The following ADCY2 variants were observed in gnomAD, a reference collection of about 807,000 sequenced individuals.
ADCY2 encodes the protein adenylate cyclase type 2.
ADCY2 carries 31 observed loss-of-function variants against 125.2 expected under a neutral mutation model. That is an observed-to-expected ratio of 0.25 (90% CI 0.19 to 0.33). The LOEUF (loss-of-function observed/expected upper bound fraction) is 0.33, where lower values mean the gene tolerates loss of function less well. Ranked by LOEUF, ADCY2 falls within the 10% of genes least tolerant of loss-of-function variation. The pLI is 1.00. For missense variants in ADCY2, 904 were observed against 1,418.2 expected, an observed-to-expected ratio of 0.64 and a Z score of 5.82; for synonymous variants, 512 against 548.4, an observed-to-expected ratio of 0.93 and a Z score of 0.93.
At chr5:7,746,286 T>G (rs1216306292) in intron 15 of ADCY2, 1 of 152,438 alleles carries the variant, frequency 6.6e-6, no homozygotes, top group Non-Finnish European at 1.5e-5. Flanking sequence ...CTAAACTTGA[T>G]TCCATAAGAT....
intron 2 of ADCY2, among the ~76,000 whole-genome samples, chr5:7,458,475 GCT>G (rs1741790744): frequency 6.6e-6 from 1 of 152,142 alleles, no homozygotes; most frequent in Non-Finnish European, 1.5e-5. Flanking sequence ...TTTTAGAGAT[GCT>G]CTTTTATTTT....
chr5:7,589,480 A>AAGAG (rs1736756778), intron 3 of ADCY2, among the ~76,000 whole-genome samples: 1 of 63,086 alleles, frequency 1.6e-5, no homozygotes, highest in African/African-American at 3.6e-5. Flanking sequence ...GAAAGAAAGA[A>AAGAG]AGAAAGAAAG....
rs1377084562 is a variant in ADCY2 at position 7,820,651 on chromosome 5, A to G, written c.3085A>G (p.Ser1029Gly). The G allele has an allele frequency of 6.2e-7, 1 of 1,614,062 alleles. No individual in the cohort carries two copies. The highest frequency in any genetic ancestry group is 2.2e-5 in the East Asian group (1 of 44,882). ...CTGGGGCAACACTGTCAATGTGGCCAGTAGGATGGACAGCACCGGAGTCCT... is the reference window on the plus strand; with the variant it reads ...CTGGGGCAACACTGTCAATGTGGCCGGTAGGATGGACAGCACCGGAGTCCT... Reference protein sequence around the residue: ...DIWGNTVNVASRMDSTGVLDK... With the variant: ...DIWGNTVNVAGRMDSTGVLDK... The change falls in exon 24 of 25, where the codon AGT (serine) becomes GGT (glycine). Residue 1029 changes from serine (S) to glycine (G), a missense_variant. Ser to Gly is a moderately conservative substitution (Grantham distance 56). Coordinates refer to ENST00000338316, the MANE Select transcript of ADCY2 (RefSeq NM_020546.3).
chr5:7,741,566 C>CCATCAG (rs1742406804), intron 14 of ADCY2, among the ~76,000 whole-genome samples: 1 of 125,884 alleles, frequency 7.9e-6, no homozygotes, highest in Non-Finnish European at 1.7e-5. Flanking sequence ...ATCCCTATCA[C>CCATCAG]CATCACCATC....
chr5:7,508,993 T>C (rs1743954196), intron 2 of ADCY2, among the ~76,000 whole-genome samples: 1 of 152,166 alleles, frequency 6.6e-6, no homozygotes, highest in Admixed American at 6.5e-5. Context: ...CAGTCATTTG[T>C]TAATTATTGG....
chr5:7,669,692 T>C (rs1402401346), intron 4 of ADCY2, among the ~76,000 whole-genome samples: 1 of 152,226 alleles, frequency 6.6e-6, no homozygotes, highest in East Asian at 1.9e-4. Context: ...CTCTATTTAT[T>C]ATCAGTGTGT....
chr5:7,777,039 G>C (rs541945342), intron 18 of ADCY2, among the ~76,000 whole-genome samples: 4 of 145,162 alleles, frequency 2.8e-5, no homozygotes, highest in Non-Finnish European at 6.1e-5. Context: ...GCCAATTCTC[G>C]GTAATAAACT....
At position 7,709,190 on chromosome 5, in the gene ADCY2, T is replaced by G; in HGVS notation, c.1402-21T>G. The G allele has an allele frequency of 6.3e-7, 1 of 1,585,314 alleles. No homozygotes were observed. Among genetic ancestry groups the G allele is most frequent in the Non-Finnish European group, 8.6e-7 (1 of 1,165,350 alleles). On this transcript the variant is annotated intron_variant, in intron 9 of 24. Coordinates refer to ENST00000338316, the MANE Select transcript of ADCY2 (RefSeq NM_020546.3). The surrounding 1 kb of genome is among the most constrained non-coding windows in gnomAD (Gnocchi z 4.4). ...TGGCCCTGTGCTGTGCCAGGTGTGA[T>G]GCTTTGTTTCTCACCCCAAGGGAGA...
intron 2 of ADCY2, among the ~76,000 whole-genome samples, chr5:7,512,234 A>AAAAAAAAAAAAAAAAAAAAAAAAC: frequency 8.9e-6 from 1 of 112,212 alleles, no homozygotes; most frequent in Non-Finnish European, 1.8e-5. Flanking sequence ...AAAAAAAAAA[A>AAAAAAAAAAAAAAAAAAAAAAAAC]AAAAAAGAAA....
intron 11 of ADCY2, 41 bp from the exon 12 acceptor site, chr5:7,717,116 C>A: frequency 7.5e-7 from 1 of 1,342,240 alleles, no homozygotes; most frequent in Non-Finnish European, 1.0e-6. Context: ...ATTTATTTTA[C>A]TAATAATATC....
In ADCY2 at chr5:7,551,297, G is replaced by C. The variant is rs16878783; in HGVS notation, c.570+30398G>C. Among the ~76,000 whole-genome samples, 982 of 152,250 alleles carry C rather than the reference G, an allele frequency of 6.4e-3. 10 individuals carry two copies. The highest frequency in any genetic ancestry group is 0.023 in the African/African-American group (944 of 41,550). On this transcript the variant is annotated intron_variant, in intron 3 of 24. Coordinates refer to ENST00000338316, the MANE Select transcript of ADCY2 (RefSeq NM_020546.3). Reference sequence around the variant, plus strand: ...CTGAGTTCATGACAGTTAGGATTCAGAGCCTGCACTATTTATGTTCACAGT... The same window carrying C: ...CTGAGTTCATGACAGTTAGGATTCACAGCCTGCACTATTTATGTTCACAGT...
At chr5:7,742,593 G>T (rs2126431476) in intron 14 of ADCY2, among the ~76,000 whole-genome samples, 1 of 152,264 alleles carries the variant, frequency 6.6e-6, no homozygotes, top group Admixed American at 6.5e-5. Flanking sequence ...TCTTAATGGA[G>T]TAGGTATCTG....
chr5:7,675,176 GAAAA>G (rs1428165666), intron 4 of ADCY2, among the ~76,000 whole-genome samples: 51 of 105,220 alleles, frequency 4.8e-4, no homozygotes, highest in Middle Eastern at 5.3e-3. Flanking sequence ...AAAAAAGAAA[GAAAA>G]AAAGAAAAAG....
chr5:7,695,959 G>A (rs1740878892), intron 6 of ADCY2, 96 bp downstream of exon 6: 1 of 708,902 alleles, frequency 1.4e-6, no homozygotes. Flanking sequence ...TTTCATAAAA[G>A]CATCCTTTAG....
chr5:7,551,606 A>G (rs1381355531), intron 3 of ADCY2, among the ~76,000 whole-genome samples: 5 of 152,232 alleles, frequency 3.3e-5, no homozygotes, highest in East Asian at 1.9e-4. Context: ...AGGAAAGTCT[A>G]CAGTGTATCA....
intron 2 of ADCY2, among the ~76,000 whole-genome samples, chr5:7,469,413 A>G (rs1312462014): frequency 1.3e-5 from 2 of 151,878 alleles, no homozygotes; most frequent in Non-Finnish European, 1.5e-5. Flanking sequence ...GCTCTATCCT[A>G]TTTGTCATAA....
intron 20 of ADCY2, chr5:7,801,455 G>C (rs1024837400): frequency 2.0e-5 from 3 of 152,216 alleles, no homozygotes; most frequent in African/African-American, 7.2e-5. Flanking sequence ...TCAGGGGTCT[G>C]AGGACCCCTT....
rs560085227 is a variant in ADCY2, at chr5:7,784,938, G to T, written c.2469+489G>T. Among the ~76,000 whole-genome samples, 3 of 152,308 alleles carry T rather than the reference G, an allele frequency of 2.0e-5. No homozygotes were observed. In the East Asian group the frequency reaches 5.8e-4, roughly 29 times the overall value. On this transcript the variant is annotated intron_variant, in intron 19 of 24. Transcript: ENST00000338316. ...TTTATTTTGCAATGCAAATGAAACT[G>T]TTCTTCCTTCTTTGGTCCCTCCAAC...
At chr5:7,468,693 T>A (rs1357544950) in intron 2 of ADCY2, among the ~76,000 whole-genome samples, 1 of 152,162 alleles carries the variant, frequency 6.6e-6, no homozygotes, top group African/African-American at 2.4e-5. Flanking sequence ...CCTATTTATC[T>A]GCCAGGTCTA....
Sources: gnomAD v4.1 joint callset for allele counts (sites outside exome capture counted in the v4.1 genomes callset) on GRCh38, gnomAD v4.1.1 for gene constraint, Gnocchi (gnomAD v3.1) non-coding constraint, MANE v1.5 for transcripts, NCBI Gene and HGNC (gene_info 2026-07-23, HGNC 2026-07-21) for gene names.